The following PPFIBP1 variants were observed in gnomAD, a reference collection of about 807,000 sequenced individuals.
PPFIBP1 encodes liprin-beta-1.
In PPFIBP1, 112 loss-of-function variants were observed where a neutral mutation model predicts 137.8. The observed-to-expected ratio is 0.81, with a 90% CI of 0.70 to 0.95. The LOEUF is 0.95. Among genes scored for constraint, PPFIBP1 ranks in the 40% least tolerant of loss-of-function variants. PPFIBP1 has a pLI of 0.00. For synonymous variants in PPFIBP1, 378 were observed against 417.3 expected, an observed-to-expected ratio of 0.91 and a Z score of 1.15; for missense variants, 1,083 against 1,196.6, an observed-to-expected ratio of 0.91 and a Z score of 1.40.
At chr12:27,587,213 TGAAGGA>T (rs2051871668) in intron 2 of PPFIBP1, among the ~76,000 whole-genome samples, 1 of 152,196 alleles carries the variant, frequency 6.6e-6, no homozygotes, top group Admixed American at 6.5e-5. Context: ...CGAGAATGAA[TGAAGGA>T]GTCCAGATTA....
chr12:27,546,406 A>G (rs546454541), intron 1 of PPFIBP1, among the ~76,000 whole-genome samples: 15 of 152,334 alleles, frequency 9.8e-5, no homozygotes, highest in African/African-American at 3.6e-4. Context: ...GAGTTTTTAT[A>G]TGGAGTACAT....
At chr12:27,557,609 T>G (rs7979323) in intron 1 of PPFIBP1, among the ~76,000 whole-genome samples, 15,259 of 152,188 alleles carry the variant, frequency 0.1, 961 homozygotes, top group South Asian at 0.27. Flanking sequence ...TAAAAGTCTA[T>G]AGAATGATAT....
chr12:27,542,904 G>C (rs1945824515), intron 1 of PPFIBP1, among the ~76,000 whole-genome samples: 1 of 152,154 alleles, frequency 6.6e-6, no homozygotes, highest in Non-Finnish European at 1.5e-5. Context: ...ACATAGTTGA[G>C]ATTTTTGGCA....
chr12:27,629,965 G>A (rs4931208), intron 2 of PPFIBP1, among the ~76,000 whole-genome samples: 1 of 151,666 alleles, frequency 6.6e-6, no homozygotes, highest in Non-Finnish European at 1.5e-5. Flanking sequence ...TTGCATATAT[G>A]CCTTATCCTG....
chr12:27,572,754 G>GA (rs2050246416), intron 1 of PPFIBP1, among the ~76,000 whole-genome samples: 2 of 152,138 alleles, frequency 1.3e-5, no homozygotes, highest in South Asian at 4.1e-4. Flanking sequence ...TGGGAACACA[G>GA]AAAAAACTGC....
Position 27,672,482 on chromosome 12 carries a change from T to C in PPFIBP1, c.1318T>C (p.Leu440=). The change falls in exon 15 of 30, where the codon TTA becomes CTA. Residue 440 remains leucine, a splice_region_variant and synonymous_variant. Coordinates refer to ENST00000228425, the MANE Select transcript of PPFIBP1 (RefSeq NM_003622.4). ...TVDTQLCDKL[L]TSSLQKSSSL... ...TGATACCCAACTGTGTGATAAACTT[T>C]TGTAAGTTACATTTTATTGAATGTG... 1 of 1,599,782 alleles carries C rather than the reference T, an allele frequency of 6.3e-7. No individual in the cohort carries two copies. The highest frequency in any genetic ancestry group is 2.2e-5 in the East Asian group (1 of 44,742).
chr12:27,636,837 C>T (rs947735479), intron 4 of PPFIBP1: 43 of 152,190 alleles, frequency 2.8e-4, no homozygotes, highest in African/African-American at 9.2e-4. Context: ...TCTCCTTATT[C>T]GCTCCACGCC....
At chr12:27,665,053 G>A (rs1427205161) in intron 12 of PPFIBP1, among the ~76,000 whole-genome samples, 2 of 152,032 alleles carry the variant, frequency 1.3e-5, no homozygotes, top group African/African-American at 4.8e-5. Context: ...CTGGGCATGG[G>A]GGCAGGCACC....
chr12:27,543,044 T>C (rs1945836684), intron 1 of PPFIBP1, among the ~76,000 whole-genome samples: 1 of 152,204 alleles, frequency 6.6e-6, no homozygotes, highest in Non-Finnish European at 1.5e-5. Flanking sequence ...GGCAAGTTGC[T>C]AAGTAAATTT....
chr12:27,640,218 C>T (rs1184844698), intron 4 of PPFIBP1, among the ~76,000 whole-genome samples: 1 of 152,084 alleles, frequency 6.6e-6, no homozygotes, highest in Non-Finnish European at 1.5e-5. Context: ...AATCCTAGGC[C>T]ACTGGTATTT....
intron 1 of PPFIBP1, among the ~76,000 whole-genome samples, chr12:27,537,335 G>A (rs1486083875): frequency 6.6e-6 from 1 of 152,152 alleles, no homozygotes; most frequent in Admixed American, 6.5e-5. Flanking sequence ...GTTTCACTAT[G>A]TTGGCCAGGC....
chr12:27,596,410 T>C (rs1378912737), intron 2 of PPFIBP1, among the ~76,000 whole-genome samples: 2 of 152,208 alleles, frequency 1.3e-5, no homozygotes, highest in Non-Finnish European at 1.5e-5. Flanking sequence ...GCCTGGCAGG[T>C]ACCCACAGAC....
chr12:27,565,674 G>A (rs1260926320), intron 1 of PPFIBP1, among the ~76,000 whole-genome samples: 1 of 151,974 alleles, frequency 6.6e-6, no homozygotes, highest in African/African-American at 2.4e-5. Context: ...TCTTTTCTTC[G>A]TTCTTTCATA....
intron 1 of PPFIBP1, among the ~76,000 whole-genome samples, chr12:27,568,021 G>A (rs1165675783): frequency 6.6e-6 from 1 of 152,072 alleles, no homozygotes; most frequent in African/African-American, 2.4e-5. Flanking sequence ...CTCTCACCAC[G>A]GTGCCCAGCC....
At chr12:27,570,402 T>G (rs1020210467) in intron 1 of PPFIBP1, among the ~76,000 whole-genome samples, 2 of 152,190 alleles carry the variant, frequency 1.3e-5, no homozygotes, top group Non-Finnish European at 2.9e-5. Context: ...GTTGTGGACA[T>G]GGGGTATTAA....
intron 2 of PPFIBP1, among the ~76,000 whole-genome samples, chr12:27,614,940 G>C (rs1267570839): frequency 6.6e-6 from 1 of 152,224 alleles, no homozygotes; most frequent in African/African-American, 2.4e-5. Flanking sequence ...GGTGGTATTT[G>C]CTGGTATTAA....
chr12:27,664,492 T>C, intron 12 of PPFIBP1, 46 bp downstream of exon 12: 4 of 1,337,198 alleles, frequency 3.0e-6, no homozygotes, highest in Non-Finnish European at 4.3e-6. Context: ...TGACTCTAAG[T>C]GGCTATAAAC....
intron 14 of PPFIBP1, 58 bp downstream of exon 14, chr12:27,671,604 CA>C: frequency 8.8e-7 from 1 of 1,140,138 alleles, no homozygotes; most frequent in Non-Finnish European, 1.2e-6. Context: ...CAGCCAAAGA[CA>C]AGGATGTATT....
rs150045915 is a variant in PPFIBP1 at position 27,689,139 on chromosome 12, A to G, written c.2621A>G (p.His874Arg). Residue 874 changes from histidine to arginine, a missense_variant, in exon 27 of 30, where the codon CAC (histidine) becomes CGC (arginine). Physicochemically the swap from His to Arg is conservative, Grantham distance 29 (BLOSUM62 0). Coordinates refer to ENST00000228425, the MANE Select transcript of PPFIBP1 (RefSeq NM_003622.4). ...FNLLIGAEAQHQKRDAMELPD... is the reference protein window; with the variant it reads ...FNLLIGAEAQRQKRDAMELPD... ...CTTCTGATTGGGGCTGAGGCACAGC[A>G]CCAGAAGCGAGATGCCATGGAGCTG... 1.8e-5 allele frequency: 29 copies of G among 1,596,662 alleles called. No individual in the cohort carries two copies. The African/African-American group carries it at 3.0e-4, about 16-fold the overall frequency.
Sources: allele counts gnomAD v4.1 joint callset (sites outside exome capture counted in the v4.1 genomes callset), GRCh38; gene constraint gnomAD v4.1.1; transcripts MANE v1.5; gene names NCBI Gene and HGNC (gene_info 2026-07-23, HGNC 2026-07-21).